ADAMTSL1: variants seen among roughly 807,000 people sequenced by gnomAD.
The protein encoded by ADAMTSL1 is ADAMTS-like protein 1.
A neutral mutation model predicts 201.8 loss-of-function variants in ADAMTSL1; 126 were observed. That is an observed-to-expected ratio of 0.62 (90% CI 0.54 to 0.72). The LOEUF is 0.72. Among genes scored for constraint, ADAMTSL1 ranks in the 30% least tolerant of loss-of-function variants. The pLI is 0.00. For synonymous variants in ADAMTSL1, 1,121 were observed against 903.4 expected (o/e 1.24, Z -4.32); for missense variants, 2,679 against 2,277.8 (o/e 1.18, Z -3.59).
intron 1 of ADAMTSL1, among the ~76,000 whole-genome samples, chr9:18,026,138 AATC>A (rs760157585): frequency 4.6e-5 from 7 of 151,986 alleles, no homozygotes; most frequent in Non-Finnish European, 7.4e-5. Flanking sequence ...CTAGGTGTGG[AATC>A]ATCATCAGTA....
chr9:18,407,667 T>C (rs527273916), intron 2 of ADAMTSL1, among the ~76,000 whole-genome samples: 39 of 152,344 alleles, frequency 2.6e-4, no homozygotes, highest in Admixed American at 2.3e-3. Flanking sequence ...AAAACTTAGA[T>C]GTCTTGATCA....
chr9:18,029,711 A>G (rs1820857828), intron 1 of ADAMTSL1, among the ~76,000 whole-genome samples: 1 of 152,154 alleles, frequency 6.6e-6, no homozygotes, highest in South Asian at 2.1e-4. Flanking sequence ...GAAAAAAACA[A>G]ACAACCCCAT....
At chr9:18,266,523 G>A (rs1367043553) in intron 2 of ADAMTSL1, among the ~76,000 whole-genome samples, 1 of 152,126 alleles carries the variant, frequency 6.6e-6, no homozygotes, top group African/African-American at 2.4e-5. Context: ...ATTGAGTGAG[G>A]GTCAGGCTCT....
At chr9:18,494,220 G>T (rs1301288232) in intron 1 of ADAMTSL1, among the ~76,000 whole-genome samples, 1 of 152,040 alleles carries the variant, frequency 6.6e-6, no homozygotes, top group Non-Finnish European at 1.5e-5. Flanking sequence ...CCCGGGCATG[G>T]TGGCGGGTGC....
intron 15 of ADAMTSL1, among the ~76,000 whole-genome samples, chr9:18,750,258 C>G (rs1819392621): frequency 6.6e-6 from 1 of 152,122 alleles, no homozygotes; most frequent in South Asian, 2.1e-4. Flanking sequence ...AGCAAACACC[C>G]CAGAAGCCCA....
rs891703367 is a variant in ADAMTSL1 at position 17,944,011 on chromosome 9, G to C, written c.87+37089G>C. Among the ~76,000 whole-genome samples, 3 of 151,584 alleles carry C rather than the reference G, an allele frequency of 2.0e-5. No homozygotes were observed. The East Asian group carries it at 5.8e-4, about 29-fold the overall frequency. On this transcript the variant is annotated intron_variant, in intron 1 of 29. Coordinates refer to the ADAMTSL1 transcript ENST00000680146. ...TCTTGTGAGAATTCACTATCACAAA[G>C]ACAGCACCAAGCCATGAGCAATCCA...
intron 2 of ADAMTSL1, among the ~76,000 whole-genome samples, chr9:18,221,685 G>A (rs1830265069): frequency 6.6e-6 from 1 of 151,982 alleles, no homozygotes; most frequent in East Asian, 1.9e-4. Context: ...TTATTTAGAA[G>A]TATGTTTATA....
chr9:18,303,056 G>C (rs938170378), intron 2 of ADAMTSL1, among the ~76,000 whole-genome samples: 1 of 152,258 alleles, frequency 6.6e-6, no homozygotes. Flanking sequence ...CATTTATCAA[G>C]TATACTTAAA....
intron 2 of ADAMTSL1, among the ~76,000 whole-genome samples, chr9:18,447,521 G>C (rs561203755): frequency 1.3e-5 from 2 of 152,162 alleles, no homozygotes; most frequent in East Asian, 3.9e-4. Context: ...TAAAAGGAAG[G>C]GACAAAAATA....
intron 1 of ADAMTSL1, among the ~76,000 whole-genome samples, chr9:18,055,282 TCA>T (rs1822129091): frequency 6.6e-6 from 1 of 152,194 alleles, no homozygotes; most frequent in Non-Finnish European, 1.5e-5. Context: ...ACCTTGGGCC[TCA>T]CAAACAGACT....
intron 23 of ADAMTSL1, among the ~76,000 whole-genome samples, chr9:18,836,045 T>C (rs553862162): frequency 6.6e-6 from 1 of 152,318 alleles, no homozygotes; most frequent in South Asian, 2.1e-4. Flanking sequence ...CTGGATTGAA[T>C]GATCGTTGTG....
chr9:18,262,029 G>A (rs893566167), intron 2 of ADAMTSL1, among the ~76,000 whole-genome samples: 2 of 152,112 alleles, frequency 1.3e-5, no homozygotes, highest in Non-Finnish European at 2.9e-5. Flanking sequence ...ATGGTAACTA[G>A]ACATGCCGGG....
At chr9:18,079,926 G>C (rs1157716102) in intron 1 of ADAMTSL1, among the ~76,000 whole-genome samples, 1 of 152,118 alleles carries the variant, frequency 6.6e-6, no homozygotes, top group African/African-American at 2.4e-5. Flanking sequence ...CTGGTGGATA[G>C]TGAGGAAGTG....
chr9:18,512,977 C>A (rs1039140442), intron 2 of ADAMTSL1, among the ~76,000 whole-genome samples: 8 of 152,132 alleles, frequency 5.3e-5, no homozygotes, highest in Admixed American at 5.2e-4. Context: ...GAATTGGGAA[C>A]CTAATCCCTA....
chr9:18,226,008 G>T (rs1037852244), intron 2 of ADAMTSL1, among the ~76,000 whole-genome samples: 1 of 151,952 alleles, frequency 6.6e-6, no homozygotes, highest in Non-Finnish European at 1.5e-5. Context: ...TTTGAGGAAA[G>T]TTTTATATTT....
intron 1 of ADAMTSL1, among the ~76,000 whole-genome samples, chr9:18,065,320 G>C (rs1822647101): frequency 6.6e-6 from 1 of 152,130 alleles, no homozygotes. Flanking sequence ...TAAGGAGACT[G>C]CATGTCTTTA....
At chr9:18,693,853 G>C (rs986814718) in intron 13 of ADAMTSL1, among the ~76,000 whole-genome samples, 1 of 152,140 alleles carries the variant, frequency 6.6e-6, no homozygotes, top group African/African-American at 2.4e-5. Flanking sequence ...ATGTTAATAG[G>C]GGACCTATTA....
intron 15 of ADAMTSL1, among the ~76,000 whole-genome samples, chr9:18,725,322 C>A (rs1326325832): frequency 6.6e-6 from 1 of 152,178 alleles, no homozygotes; most frequent in East Asian, 1.9e-4. Flanking sequence ...AAGTTATAGG[C>A]ATTACCCAGG....
At chr9:18,149,869 G>A (rs926002221) in intron 1 of ADAMTSL1, among the ~76,000 whole-genome samples, 2 of 152,002 alleles carry the variant, frequency 1.3e-5, no homozygotes, top group African/African-American at 2.4e-5. Context: ...AGGCAGCAGG[G>A]CTAGGATATA....
Sources: gnomAD v4.1 joint callset for allele counts (sites outside exome capture counted in the v4.1 genomes callset) on GRCh38, gnomAD v4.1.1 for gene constraint, MANE v1.5 for transcripts, NCBI Gene and HGNC (gene_info 2026-07-23, HGNC 2026-07-21) for gene names.